PTPN9: variants seen among roughly 807,000 people sequenced by gnomAD.
PTPN9 encodes the protein tyrosine-protein phosphatase non-receptor type 9.
A neutral mutation model predicts 69.8 loss-of-function variants in PTPN9; 26 were observed. The ratio of observed to expected loss-of-function variants is 0.37; its 90% confidence interval spans 0.27 to 0.52. The LOEUF is 0.52. PTPN9 is among the 20% of genes least tolerant of loss of function. PTPN9 has a pLI of 0.91. For missense variants in PTPN9, 549 were observed against 740.3 expected (o/e 0.74, Z 3.00); for synonymous variants, 274 against 272.5 (o/e 1.01, Z -0.05).
intron 9 of PTPN9, among the ~76,000 whole-genome samples, chr15:75,474,292 G>A (rs1186352887): frequency 6.6e-6 from 1 of 152,186 alleles, no homozygotes; most frequent in Non-Finnish European, 1.5e-5. Context: ...GGCCATGGCA[G>A]GCAGGTTGCC....
intron 1 of PTPN9, among the ~76,000 whole-genome samples, chr15:75,542,340 A>C (rs1339080484): frequency 6.6e-6 from 1 of 152,212 alleles, no homozygotes; most frequent in Non-Finnish European, 1.5e-5. Flanking sequence ...AGGCCAAATA[A>C]CCATGAAGAA....
chr15:75,468,219 C>T lies in PTPN9; in HGVS notation c.*550G>A, dbSNP rs192751288. 241 of 156,182 alleles carry T rather than the reference C, an allele frequency of 1.5e-3. No individual in the cohort carries two copies. The highest frequency in any genetic ancestry group is 4.4e-4 in the Non-Finnish European group (31 of 70,030). The allele number at this position is 156,182 out of a possible 1,614,324, so 9.7% of individuals were successfully genotyped here. On this transcript the variant is annotated 3_prime_UTR_variant, in exon 13 of 13. Transcript: ENST00000618819. ...ACAATATATATTATATACACACGTA[C>T]ATATGGACCCATACACATAAGTGCA...
chr15:75,567,630 C>T (rs919993384), intron 1 of PTPN9, among the ~76,000 whole-genome samples: 8 of 152,040 alleles, frequency 5.3e-5, no homozygotes, highest in African/African-American at 1.9e-4. Flanking sequence ...AGTACTGTGC[C>T]GGTATGTTGT....
At chr15:75,522,027 G>A (rs1186811752) in intron 4 of PTPN9, among the ~76,000 whole-genome samples, 29 of 152,060 alleles carry the variant, frequency 1.9e-4, no homozygotes, top group African/African-American at 7.2e-5. Flanking sequence ...CTTCTAATCC[G>A]GAGGACCAGC....
chr15:75,537,876 T>C (rs1016326992), intron 1 of PTPN9, among the ~76,000 whole-genome samples: 2 of 148,522 alleles, frequency 1.3e-5, no homozygotes, highest in East Asian at 4.1e-4. Flanking sequence ...CTGGCCAACA[T>C]AGTGAAACCC....
chr15:75,544,748 T>C (rs888612791), intron 1 of PTPN9, among the ~76,000 whole-genome samples: 2 of 151,572 alleles, frequency 1.3e-5, no homozygotes, highest in Non-Finnish European at 2.9e-5. Context: ...AAAGTCTTTC[T>C]GGGGGAAAAA....
intron 1 of PTPN9, among the ~76,000 whole-genome samples, chr15:75,571,325 T>C (rs2075147336): frequency 6.6e-6 from 1 of 152,170 alleles, no homozygotes; most frequent in East Asian, 1.9e-4. Flanking sequence ...CTACTTATTA[T>C]ATAAGCATTG....
intron 1 of PTPN9, among the ~76,000 whole-genome samples, chr15:75,545,272 A>T (rs2075027197): frequency 6.6e-6 from 1 of 152,178 alleles, no homozygotes; most frequent in Admixed American, 6.5e-5. Context: ...CTTAAAATTT[A>T]AAATACAGGA....
chr15:75,537,856 C>G (rs1049280610), intron 1 of PTPN9, among the ~76,000 whole-genome samples: 1 of 150,906 alleles, frequency 6.6e-6, no homozygotes, highest in Non-Finnish European at 1.5e-5. Context: ...GTCAGGCGTT[C>G]AAGACCAGCC....
intron 7 of PTPN9, among the ~76,000 whole-genome samples, chr15:75,502,380 G>A (rs1305190465): frequency 2.0e-5 from 3 of 151,838 alleles, no homozygotes; most frequent in South Asian, 2.1e-4. Flanking sequence ...CCTGGGAGGC[G>A]GAGGTTGCAG....
intron 5 of PTPN9, among the ~76,000 whole-genome samples, chr15:75,516,275 C>A (rs1183749729): frequency 6.7e-6 from 1 of 150,044 alleles, no homozygotes; most frequent in Non-Finnish European, 1.5e-5. Context: ...GGACCCAAGT[C>A]TAAGCAGGAA....
intron 1 of PTPN9, among the ~76,000 whole-genome samples, chr15:75,570,536 G>A (rs181364733): frequency 3.3e-5 from 5 of 152,074 alleles, no homozygotes; most frequent in South Asian, 2.1e-4. Flanking sequence ...TTGGGAGGCC[G>A]AGGCAGGAGG....
chr15:75,530,554 ATT>A (rs1491213563), intron 1 of PTPN9, among the ~76,000 whole-genome samples: 33 of 59,768 alleles, frequency 5.5e-4, no homozygotes, highest in African/African-American at 6.2e-4. Flanking sequence ...ATTATAATAT[ATT>A]ATATATTATT....
At chr15:75,542,024 A>T (rs2075010793) in intron 1 of PTPN9, among the ~76,000 whole-genome samples, 1 of 150,104 alleles carries the variant, frequency 6.7e-6, no homozygotes, top group Admixed American at 6.6e-5. Context: ...TGACAGAGCA[A>T]GATGCCATCT....
In PTPN9 at chr15:75,473,681, T is replaced by TAA; in HGVS notation, c.1208+6_1208+7dup. ...GTGGAGACCTTTGGAAAAAAGGGATTAACTCACCGGGTGGTCATGACAATC... is the reference window on the plus strand; with the variant it reads ...GTGGAGACCTTTGGAAAAAAGGGATTAAAACTCACCGGGTGGTCATGACAATC... On this transcript the variant is annotated splice_region_variant and intron_variant, in intron 10 of 12. Coordinates refer to ENST00000618819, the MANE Select transcript of PTPN9 (RefSeq NM_002833.4). 1 of 1,545,050 alleles carries TAA rather than the reference T, an allele frequency of 6.5e-7. No individual in the cohort carries two copies. The highest frequency in any genetic ancestry group is 2.2e-5 in the East Asian group (1 of 44,520).
At chr15:75,479,354 T>C (rs1299281247) in intron 9 of PTPN9, among the ~76,000 whole-genome samples, 1 of 152,188 alleles carries the variant, frequency 6.6e-6, no homozygotes, top group African/African-American at 2.4e-5. Context: ...AGTATTCCAC[T>C]GTCAGACTTA....
intron 7 of PTPN9, among the ~76,000 whole-genome samples, chr15:75,503,100 G>A (rs543679638): frequency 4.2e-4 from 61 of 146,920 alleles, no homozygotes; most frequent in Admixed American, 3.7e-3. Context: ...GCCGCCCATC[G>A]TCTGGGACGT....
chr15:75,519,573 C>A (rs2074891899), intron 4 of PTPN9, among the ~76,000 whole-genome samples: 1 of 152,114 alleles, frequency 6.6e-6, no homozygotes, highest in Non-Finnish European at 1.5e-5. Flanking sequence ...TTAGTTTCAA[C>A]TGGCACCTAA....
intron 1 of PTPN9, among the ~76,000 whole-genome samples, chr15:75,569,268 G>A (rs536439345): frequency 2.0e-5 from 3 of 152,210 alleles, no homozygotes; most frequent in African/African-American, 4.8e-5. Context: ...CCACACTGCC[G>A]TAAAATGGGG....
Sources: gnomAD v4.1 joint callset for allele counts (sites outside exome capture counted in the v4.1 genomes callset) on GRCh38, gnomAD v4.1.1 for gene constraint, MANE v1.5 for transcripts, NCBI Gene and HGNC (gene_info 2026-07-23, HGNC 2026-07-21) for gene names.